CKAP5: variants seen among roughly 807,000 people sequenced by gnomAD.
CKAP5 encodes the protein cytoskeleton-associated protein 5.
Under a neutral mutation model 232.8 loss-of-function variants are expected in CKAP5, and 27 were observed. The observed-to-expected ratio is 0.12, with a 90% CI of 0.09 to 0.16. The LOEUF is 0.16. CKAP5 is among the 10% of genes least tolerant of loss of function. CKAP5 has a pLI of 1.00. For synonymous variants in CKAP5, 785 were observed against 841.1 expected, an observed-to-expected ratio of 0.93 and a Z score of 1.16; for missense variants, 1,838 against 2,424.7, an observed-to-expected ratio of 0.76 and a Z score of 5.08.
Position 46,759,359 on chromosome 11 carries a change from T to C in CKAP5, c.4478A>G (p.Asn1493Ser), listed in dbSNP as rs1330754385. The C allele has an allele frequency of 6.2e-7, 1 of 1,614,038 alleles. No individual in the cohort carries two copies. ...TTCACATCGGACTGTACCATTGTCA[T>C]TCTCAATCTCATCTAGATCCAGCTG... ...EFQLDLDEIE[N>S]DNGTVRCEMP... Residue 1493 changes from asparagine to serine, a missense_variant, in exon 34 of 44, where the codon AAT (asparagine) becomes AGT (serine). Physicochemically the swap from Asn to Ser is conservative, Grantham distance 46 (BLOSUM62 1). Transcript: ENST00000529230.
chr11:46,792,343 AG>A (rs1011961344), intron 13 of CKAP5, among the ~76,000 whole-genome samples: 10 of 152,140 alleles, frequency 6.6e-5, no homozygotes, highest in Admixed American at 3.9e-4. Flanking sequence ...ATTTGAGGTC[AG>A]GAGTTTGAGA....
chr11:46,799,741 G>A (rs1359728804), intron 9 of CKAP5, among the ~76,000 whole-genome samples: 1 of 152,220 alleles, frequency 6.6e-6, no homozygotes, highest in Admixed American at 6.5e-5. Context: ...GCTCAAGCCT[G>A]TAATCCCAGC....
chr11:46,828,588 TTC>T (rs1441875209), intron 1 of CKAP5, among the ~76,000 whole-genome samples: 1 of 152,228 alleles, frequency 6.6e-6, no homozygotes, highest in Non-Finnish European at 1.5e-5. Context: ...GACCAACATT[TTC>T]TGTTACATAG....
chr11:46,795,896 G>A (rs1225680942), intron 12 of CKAP5, 120 bp from the exon 13 acceptor site: 2 of 840,012 alleles, frequency 2.4e-6, no homozygotes, highest in Non-Finnish European at 3.8e-6. Flanking sequence ...AGGCAAGGTG[G>A]CTCACACCTA....
intron 28 of CKAP5, among the ~76,000 whole-genome samples, chr11:46,764,664 A>T (rs1400157744): frequency 2.0e-5 from 3 of 152,194 alleles, no homozygotes; most frequent in African/African-American, 7.2e-5. Context: ...GGGATACTGG[A>T]ACAGAGACAT....
intron 9 of CKAP5, among the ~76,000 whole-genome samples, chr11:46,800,858 C>T (rs368867947): frequency 6.6e-6 from 1 of 152,072 alleles, no homozygotes; most frequent in East Asian, 1.9e-4. Context: ...TGGTCCTGGT[C>T]GTTACAAGTT....
intron 1 of CKAP5, among the ~76,000 whole-genome samples, chr11:46,823,391 A>G (rs1011643831): frequency 2.6e-5 from 4 of 152,202 alleles, no homozygotes; most frequent in Admixed American, 2.6e-4. Flanking sequence ...GTACGTATCC[A>G]GTTTTTTTTC....
chr11:46,764,528 G>A (rs910678011), intron 28 of CKAP5, among the ~76,000 whole-genome samples: 4 of 151,988 alleles, frequency 2.6e-5, no homozygotes, highest in Non-Finnish European at 5.9e-5. Context: ...CAAACAGTAC[G>A]GCATGTCTGT....
Position 46,790,576 on chromosome 11 carries a change from C to G in CKAP5, c.1658G>C (p.Gly553Ala). The change falls in exon 14 of 44, where the codon GGG (glycine) becomes GCG (alanine). Residue 553 changes from glycine (G) to alanine (A), a missense_variant. By Grantham distance (60) the Gly-to-Ala change is moderately conservative (BLOSUM62 0). This residue lies in a region of CKAP5 where 767 missense variants were observed against 954.6 expected (regional missense o/e 0.80). Transcript: ENST00000529230. ...LKKAPAAKAG[G>A]PPKKGKPAAP... The stretch of plus-strand genomic sequence containing the variant: ...AGCTGGTTTCCCCTTTTTTGGTGGC[C>G]CACCAGCCTAAAAACAATTTAAAAA... The G allele has an allele frequency of 1.2e-6, 2 of 1,609,744 alleles. No homozygotes were observed. Among genetic ancestry groups the G allele is most frequent in the Non-Finnish European group, 1.7e-6 (2 of 1,176,488 alleles).
chr11:46,744,495 T>C lies in CKAP5; in HGVS notation c.5787A>G (p.Glu1929=), dbSNP rs747804448. 6.2e-7 allele frequency: 1 copy of C among 1,614,180 alleles called. No homozygotes were observed. The highest frequency in any genetic ancestry group is 1.1e-5 in the South Asian group (1 of 91,088). The change falls in exon 43 of 44, where the codon GAA becomes GAG. Residue 1929 remains glutamate, a synonymous_variant. Coordinates refer to ENST00000529230, the MANE Select transcript of CKAP5 (RefSeq NM_001008938.4). The part of the protein sequence containing the change: ...VSSIGNTNGE[E]VGPSVYLERL... ...TTTCCAAGTAGACAGATGGCCCCAC[T>C]TCTTCCCCATTTGTGTTACCTATGG...
At chr11:46,750,038 C>G (rs1261672402) in intron 42 of CKAP5, among the ~76,000 whole-genome samples, 1 of 151,806 alleles carries the variant, frequency 6.6e-6, no homozygotes. Flanking sequence ...GAACTGGAAG[C>G]GAAGTGAAGA....
At chr11:46,805,543 A>C (rs1592470419) in intron 8 of CKAP5, among the ~76,000 whole-genome samples, 2 of 152,214 alleles carry the variant, frequency 1.3e-5, no homozygotes, top group East Asian at 3.9e-4. Flanking sequence ...CCATTTCCCC[A>C]CTTTTTTCCA....
In CKAP5 at chr11:46,747,601, C is replaced by CAA. The variant is rs560103390; in HGVS notation, c.5704+2671_5704+2672dup. Among the ~76,000 whole-genome samples the CAA allele has an allele frequency of 4.5e-3, 282 of 62,240 alleles. 2 individuals carry two copies. Among genetic ancestry groups the CAA allele is most frequent in the African/African-American group, 0.016 (256 of 16,370 alleles). The allele number at this position is 62,240 out of a possible 152,430, so 40.8% of individuals were successfully genotyped here. On this transcript the variant is annotated intron_variant, in intron 42 of 43. Transcript: ENST00000529230. ...TGGGCGAGAGAGCAAGACTTCATCT[C>CAA]AAAAAAAAAAAAAAAAAGGTTTCAC...
chr11:46,778,612 G>A lies in CKAP5; in HGVS notation c.2434-13C>T. ...TTTGTCCCTGCATCTATACACAAATGAATGAGTAAGGCTAATGAAATTTAT... is the reference window on the plus strand; with the variant it reads ...TTTGTCCCTGCATCTATACACAAATAAATGAGTAAGGCTAATGAAATTTAT... On this transcript the variant is annotated splice_polypyrimidine_tract_variant and intron_variant, in intron 20 of 43. Coordinates refer to ENST00000529230, the MANE Select transcript of CKAP5 (RefSeq NM_001008938.4). The A allele has an allele frequency of 6.2e-7, 1 of 1,611,360 alleles. No individual in the cohort carries two copies. Among genetic ancestry groups the A allele is most frequent in the Admixed American group, 1.7e-5 (1 of 59,876 alleles).
Position 46,776,345 on chromosome 11 carries a change from A to G in CKAP5, c.2901T>C (p.Ala967=). 6.2e-7 allele frequency: 1 copy of G among 1,613,418 alleles called. No individual in the cohort carries two copies. Residue 967 remains alanine (A), a synonymous_variant, in exon 24 of 44, where the codon GCT becomes GCC. Transcript: ENST00000529230. Reference sequence around the variant, plus strand: ...CCTTCATGCCAGTCTGTTCTGCCCAAGCATTCACAGTCGCTAGGGCAGCAG... The same window carrying G: ...CCTTCATGCCAGTCTGTTCTGCCCAGGCATTCACAGTCGCTAGGGCAGCAG... ...VRAAALATVN[A]WAEQTGMKEW...
At chr11:46,820,031 T>C (rs534495850) in intron 2 of CKAP5, among the ~76,000 whole-genome samples, 10 of 152,138 alleles carry the variant, frequency 6.6e-5, no homozygotes, top group Admixed American at 3.9e-4. Flanking sequence ...TCACACGAGA[T>C]TGAAAAACTC....
chr11:46,778,041 T>C, intron 22 of CKAP5, 98 bp downstream of exon 22: 1 of 932,696 alleles, frequency 1.1e-6, no homozygotes, highest in Non-Finnish European at 1.6e-6. Flanking sequence ...GCAAATAAAG[T>C]AACCACTTAT....
Position 46,798,182 on chromosome 11 carries a change from T to A in CKAP5, c.1084-10A>T. 6.3e-7 allele frequency: 1 copy of A among 1,579,078 alleles called. No homozygotes were observed. The highest frequency in any genetic ancestry group is 8.7e-7 in the Non-Finnish European group (1 of 1,148,422). On this transcript the variant is annotated splice_polypyrimidine_tract_variant and intron_variant, in intron 9 of 43. Coordinates refer to ENST00000529230, the MANE Select transcript of CKAP5 (RefSeq NM_001008938.4). ...AGATGGTTGGCACAACCTGTAAAAG[T>A]GAATGGCTAGCACATTATTCAGCAA... is the stretch of plus-strand genomic sequence containing the variant.
chr11:46,801,141 T>C, intron 9 of CKAP5, 59 bp downstream of exon 9: 2 of 1,215,778 alleles, frequency 1.6e-6, no homozygotes, highest in African/African-American at 1.5e-5. Flanking sequence ...AACAGCAAAC[T>C]AGGCCTACCA....
Sources: gnomAD v4.1 joint callset for allele counts (sites outside exome capture counted in the v4.1 genomes callset) on GRCh38, gnomAD v4.1.1 for gene constraint, gnomAD v4.1.1 regional missense constraint, MANE v1.5 for transcripts, NCBI Gene and HGNC (gene_info 2026-07-23, HGNC 2026-07-21) for gene names.